The following RHPN1 variants were observed in gnomAD, a reference collection of about 807,000 sequenced individuals.
RHPN1 encodes rhophilin Rho GTPase binding protein 1.
In RHPN1, 77 loss-of-function variants were observed where a neutral mutation model predicts 74.7. The ratio of observed to expected loss-of-function variants is 1.03; its 90% CI spans 0.86 to 1.25. RHPN1 has a LOEUF of 1.25. RHPN1 is among the 50% of genes most tolerant of loss of function. RHPN1 has a pLI of 0.00. For synonymous variants in RHPN1, 444 were observed against 414.5 expected (o/e 1.07, Z -0.87); for missense variants, 987 against 932.2 (o/e 1.06, Z -0.77).
chr8:143,369,105 C>A (rs1023158691), intron 1 of RHPN1, 58 bp downstream of exon 1: 9 of 1,335,782 alleles, frequency 6.7e-6, no homozygotes, highest in Middle Eastern at 2.5e-4. Context: ...CCTTTTCCTG[C>A]CCCCCCTCGA....
At chr8:143,376,056 T>A (rs1818196283) in intron 2 of RHPN1, among the ~76,000 whole-genome samples, 1 of 152,248 alleles carries the variant, frequency 6.6e-6, no homozygotes, top group African/African-American at 2.4e-5. Flanking sequence ...GCACACCGCC[T>A]GTGTGCCACA....
At position 143,378,301 on chromosome 8, in the gene RHPN1, C is replaced by T. The variant is rs773540881; in HGVS notation, c.414C>T (p.Gly138=). 146 of 1,572,700 alleles carry T rather than the reference C, an allele frequency of 9.3e-5. No individual in the cohort carries two copies. Among genetic ancestry groups the T allele is most frequent in the South Asian group, 8.2e-5 (7 of 85,162 alleles). ...ELISVHFGED[G]ASYEAEIREL... is the part of the protein sequence containing the mutation. ...TCTCAGTGCACTTTGGAGAGGACGG[C>T]GCCTCCTACGAGGCAGAAATCAGGG... The change falls in exon 5 of 15, where the codon GGC becomes GGT. Residue 138 remains glycine, a synonymous_variant. Coordinates refer to ENST00000289013, the MANE Select transcript of RHPN1 (RefSeq NM_052924.3).
chr8:143,378,598 C>A, intron 5 of RHPN1, 98 bp from the exon 6 acceptor site: 1 of 1,447,992 alleles, frequency 6.9e-7, no homozygotes, highest in Non-Finnish European at 9.2e-7. Flanking sequence ...CTTTGCCTCC[C>A]CGCCCCCCAT....
rs1338965505 is a variant in RHPN1 at position 143,383,059 on chromosome 8, C to G, written c.*408C>G. On this transcript the variant is annotated 3_prime_UTR_variant, in exon 15 of 15. Transcript: ENST00000289013. The stretch of plus-strand genomic sequence containing the variant: ...GGTGCCCAGTGATTCCTGCTGGGCA[C>G]CCCTTCGCTCACTGCCCCTCCACCA... 2 of 226,852 alleles carry G rather than the reference C, an allele frequency of 8.8e-6. No homozygotes were observed. The highest frequency in any genetic ancestry group is 1.8e-5 in the Non-Finnish European group (2 of 113,718). 14.1% of individuals were successfully genotyped at this position (226,852 alleles called of 1,614,324 possible).
upstream of RHPN1, chr8:143,366,959 G>T (rs933519592): frequency 6.6e-6 from 1 of 152,322 alleles, no homozygotes; most frequent in African/African-American, 2.4e-5. Context: ...AGTGCACCCA[G>T]TGTGAACTTT....
At chr8:143,378,457 C>T (rs949962182) in intron 5 of RHPN1, 111 bp downstream of exon 5, 8 of 1,037,396 alleles carry the variant, frequency 7.7e-6, no homozygotes, top group Admixed American at 4.2e-5. Context: ...ATCTCGAGGA[C>T]GTGGGGAGAC....
chr8:143,378,454 G>A (rs1218887193), intron 5 of RHPN1, 108 bp downstream of exon 5: 1 of 1,062,846 alleles, frequency 9.4e-7, no homozygotes. Flanking sequence ...GACATCTCGA[G>A]GACGTGGGGA....
At chr8:143,364,756 G>C (rs1817539843), upstream of RHPN1, among the ~76,000 whole-genome samples, 1 of 152,196 alleles carries the variant, frequency 6.6e-6, no homozygotes, top group East Asian at 1.9e-4. The surrounding 1 kb of genome is among the most constrained non-coding windows in gnomAD (Gnocchi z 4.5). Flanking sequence ...GTTTCTGAAT[G>C]ATGAATGGCT....
At chr8:143,364,514 G>T (rs530388544), upstream of RHPN1, among the ~76,000 whole-genome samples, 1 of 152,250 alleles carries the variant, frequency 6.6e-6, no homozygotes, top group African/African-American at 2.4e-5. The surrounding 1 kb of genome is among the most constrained non-coding windows in gnomAD (Gnocchi z 4.5). Flanking sequence ...CCCAGAAGAT[G>T]AGGGCTTTAA....
chr8:143,367,988 A>T (rs1320660725), upstream of RHPN1: 1 of 152,642 alleles, frequency 6.6e-6, no homozygotes, highest in East Asian at 1.9e-4. Context: ...CTGGGGCTGC[A>T]GGCCAGTTCT....
Position 143,375,512 on chromosome 8 carries a change from G to A in RHPN1, c.61-41G>A, listed in dbSNP as rs144892916. On this transcript the variant is annotated intron_variant, in intron 1 of 14. Coordinates refer to ENST00000289013, the MANE Select transcript of RHPN1 (RefSeq NM_052924.3). ...TGGCGAGGCGCAGCCTGGTGCGGGCGCCACGGGGTCGGGCTGTGATCGCCT... is the reference window on the plus strand; with the variant it reads ...TGGCGAGGCGCAGCCTGGTGCGGGCACCACGGGGTCGGGCTGTGATCGCCT... 2.0e-4 allele frequency: 281 copies of A among 1,439,744 alleles called. 2 individuals carry two copies. In the East Asian group the frequency reaches 5.8e-3, roughly 30 times the overall value. 89.2% of individuals were successfully genotyped at this position (1,439,744 alleles called of 1,614,324 possible).
Position 143,383,748 on chromosome 8 carries a change from C to T in RHPN1, c.*1097C>T, listed in dbSNP as rs11785598. ...AGAGACAGGGCCAGCGGGAGTCATT[C>T]CCTGCAGCCACTAGGGGGCAGCCGC... On this transcript the variant is annotated 3_prime_UTR_variant, in exon 15 of 15. Transcript: ENST00000289013. The T allele has an allele frequency of 0.023, 3,554 of 152,338 alleles. 55 individuals carry two copies. Among genetic ancestry groups the T allele is most frequent in the Non-Finnish European group, 0.035 (2,405 of 68,044 alleles). 9.4% of individuals were successfully genotyped at this position (152,338 alleles called of 1,614,324 possible).
intron 3 of RHPN1, 35 bp downstream of exon 3, chr8:143,376,688 TGTGTGTGCACGTGTGC>T: frequency 6.5e-7 from 1 of 1,541,970 alleles, no homozygotes; most frequent in South Asian, 1.2e-5. Context: ...CGTGCGTGTA[TGTGTGTGCACGTGTGC>T]GTGTGTGTGT....
chr8:143,376,625 G>A lies in RHPN1; in HGVS notation c.277G>A (p.Gly93Ser), dbSNP rs201896417. Residue 93 changes from glycine (G) to serine (S), a missense_variant, in exon 3 of 15, where the codon GGT (glycine) becomes AGT (serine). By Grantham distance (56) the Gly-to-Ser change is moderately conservative. Coordinates refer to ENST00000289013, the MANE Select transcript of RHPN1 (RefSeq NM_052924.3). The stretch of plus-strand genomic sequence containing the variant: ...GAAGGAGGAGCTGGAGGAGCTCAGC[G>A]GTGGCGTGGACCCTGGCCGGCATGG... ...LLKEELEELS[G>S]GVDPGRHGSE... is the part of the protein sequence containing the mutation. The A allele has an allele frequency of 7.1e-4, 1,121 of 1,583,790 alleles. 3 individuals are homozygous for A. Among genetic ancestry groups the A allele is most frequent in the Non-Finnish European group, 8.7e-4 (1,010 of 1,165,418 alleles).
rs1281644697 is a variant in RHPN1 at position 143,379,092 on chromosome 8, G to A, written c.751+14G>A. On this transcript the variant is annotated intron_variant, in intron 7 of 14. Coordinates refer to ENST00000289013, the MANE Select transcript of RHPN1 (RefSeq NM_052924.3). ...AGAGGGCCGCTGGTGAGGGCGGCCCGGGCCGCGGTGGGGCACGGCGCGGTG... is the reference window on the plus strand; with the variant it reads ...AGAGGGCCGCTGGTGAGGGCGGCCCAGGCCGCGGTGGGGCACGGCGCGGTG... 37 of 1,477,700 alleles carry A rather than the reference G, an allele frequency of 2.5e-5. No homozygotes were observed. The highest frequency in any genetic ancestry group is 1.3e-4 in the Admixed American group (5 of 39,448). 91.5% of individuals were successfully genotyped at this position (1,477,700 alleles called of 1,614,324 possible). A position where few individuals can be genotyped will look rare whatever the true frequency, so the allele number is the denominator to read the frequency against.
Position 143,378,795 on chromosome 8 carries a change from A to G in RHPN1, c.559A>G (p.Arg187Gly), listed in dbSNP as rs1415987080. ...FLDARFLTPA[R>G]SLGLFFHWYD... is the part of the protein sequence containing the mutation. ...GGATGCGCGCTTCCTCACCCCTGCC[A>G]GGAGCCTCGGGCTCTTCTTCCACTG... The change falls in exon 6 of 15, where the codon AGG becomes GGG. Residue 187 changes from arginine (R) to glycine (G), a missense_variant. Coordinates refer to ENST00000289013, the MANE Select transcript of RHPN1 (RefSeq NM_052924.3). The G allele has an allele frequency of 1.3e-6, 2 of 1,566,004 alleles. No individual in the cohort carries two copies. Among genetic ancestry groups the G allele is most frequent in the East Asian group, 4.8e-5 (2 of 41,820 alleles).
chr8:143,378,806 G>A lies in RHPN1; in HGVS notation c.570G>A (p.Gly190=), dbSNP rs1370119726. 1 of 1,565,064 alleles carries A rather than the reference G, an allele frequency of 6.4e-7. No homozygotes were observed. The highest frequency in any genetic ancestry group is 1.9e-5 in the Admixed American group (1 of 52,642). ...ARFLTPARSL[G]LFFHWYDSLT... Reference sequence around the variant, plus strand: ...TCCTCACCCCTGCCAGGAGCCTCGGGCTCTTCTTCCACTGGTAGGGGCTCT... The same window carrying A: ...TCCTCACCCCTGCCAGGAGCCTCGGACTCTTCTTCCACTGGTAGGGGCTCT... The change falls in exon 6 of 15, where the codon GGG becomes GGA. Residue 190 remains glycine, a synonymous_variant. Coordinates refer to ENST00000289013, the MANE Select transcript of RHPN1 (RefSeq NM_052924.3).
intron 1 of RHPN1, among the ~76,000 whole-genome samples, chr8:143,374,463 A>G (rs570349221): frequency 6.6e-6 from 1 of 152,366 alleles, no homozygotes; most frequent in East Asian, 1.9e-4. Context: ...GACTCAGACC[A>G]GGCTCGCCCC....
At position 143,382,818 on chromosome 8, in the gene RHPN1, A is replaced by G; in HGVS notation, c.*167A>G. ...AGACTGGTCAGACCTGTCTGAGCCC[A>G]GTGATGGGAGCTGTGGCCTCTTCAC... On this transcript the variant is annotated 3_prime_UTR_variant, in exon 15 of 15. Transcript: ENST00000289013. 1 of 613,640 alleles carries G rather than the reference A, an allele frequency of 1.6e-6. No homozygotes were observed. The allele number at this position is 613,640 out of a possible 1,614,324, so 38.0% of individuals were successfully genotyped here.
Sources: allele counts gnomAD v4.1 joint callset (sites outside exome capture counted in the v4.1 genomes callset), GRCh38; gene constraint gnomAD v4.1.1; non-coding constraint Gnocchi (gnomAD v3.1); transcripts MANE v1.5; gene names NCBI Gene and HGNC (gene_info 2026-07-23, HGNC 2026-07-21).